RBFOX1: variants seen among roughly 807,000 people sequenced by gnomAD.
The protein encoded by RBFOX1 is RNA binding fox-1 homolog 1.
In RBFOX1, 8 loss-of-function variants were observed where a neutral mutation model predicts 57.7. The observed-to-expected ratio is 0.14, with a 90% CI of 0.08 to 0.25. The LOEUF (loss-of-function observed/expected upper bound fraction) is 0.25. Ranked by LOEUF, RBFOX1 falls within the 10% of genes least tolerant of loss-of-function variation. RBFOX1 has a pLI of 1.00. For missense variants in RBFOX1, 611 were observed against 548.5 expected (o/e 1.11, Z -1.14); for synonymous variants, 326 against 222.4 (o/e 1.47, Z -4.15).
chr16:5,488,909 C>A (rs1409245458), intron 2 of RBFOX1, among the ~76,000 whole-genome samples: 3 of 152,156 alleles, frequency 2.0e-5, no homozygotes, highest in Non-Finnish European at 2.9e-5. Context: ...GATACAATAG[C>A]TAAAACTTGA....
At chr16:5,856,794 C>G (rs2057083484) in intron 3 of RBFOX1, among the ~76,000 whole-genome samples, 1 of 151,274 alleles carries the variant, frequency 6.6e-6, no homozygotes, top group Admixed American at 6.6e-5. Flanking sequence ...TAGGGTCTTG[C>G]TCTGGGTTGG....
rs557449725 is a variant in RBFOX1, at chr16:7,287,663, G to C, written c.28-230484G>C. 7.2e-4 allele frequency among the ~76,000 whole-genome samples: 109 copies of C among 152,106 alleles called. 1 individual carries two copies. The highest frequency in any genetic ancestry group is 2.6e-3 in the African/African-American group (106 of 41,542). The stretch of plus-strand genomic sequence containing the variant: ...AAAACTTGGATTGATTGACAATTTT[G>C]AAAAATGATAAAAGTCGCCTCTCAA... On this transcript the variant is annotated intron_variant, in intron 4 of 15. Transcript: ENST00000550418.
intron 2 of RBFOX1, among the ~76,000 whole-genome samples, chr16:6,605,869 G>A (rs1166810669): frequency 1.3e-5 from 2 of 152,178 alleles, no homozygotes; most frequent in East Asian, 1.9e-4. Context: ...GGAGTCTGAG[G>A]CGGGTGGATC....
intron 2 of RBFOX1, among the ~76,000 whole-genome samples, chr16:6,334,297 C>G (rs1357669005): frequency 6.6e-6 from 1 of 151,914 alleles, no homozygotes; most frequent in Non-Finnish European, 1.5e-5. Flanking sequence ...TTCCTGAGCT[C>G]CGGAGTTTGA....
At chr16:7,241,691 A>G (rs2094069104) in intron 4 of RBFOX1, among the ~76,000 whole-genome samples, 1 of 152,124 alleles carries the variant, frequency 6.6e-6, no homozygotes, top group Admixed American at 6.6e-5. Context: ...CTACATCTGG[A>G]TGACAAATGT....
intron 2 of RBFOX1, among the ~76,000 whole-genome samples, chr16:6,541,376 C>T (rs568691754): frequency 8.1e-4 from 123 of 152,302 alleles, no homozygotes; most frequent in African/African-American, 2.9e-3. Context: ...AGACACTGTT[C>T]TAAACAGAGG....
At chr16:5,290,837 T>C (rs964262184) in intron 1 of RBFOX1, among the ~76,000 whole-genome samples, 3 of 152,108 alleles carry the variant, frequency 2.0e-5, no homozygotes, top group African/African-American at 4.8e-5. Flanking sequence ...TAGCTGGGAT[T>C]ACAGGCACCC....
At chr16:5,864,333 C>G (rs2057295713) in intron 3 of RBFOX1, among the ~76,000 whole-genome samples, 1 of 152,206 alleles carries the variant, frequency 6.6e-6, no homozygotes, top group Non-Finnish European at 1.5e-5. Context: ...TTTAATTTTA[C>G]AAGTGGATAC....
At chr16:6,121,962 G>A (rs1471000321) in intron 1 of RBFOX1, among the ~76,000 whole-genome samples, 1 of 152,152 alleles carries the variant, frequency 6.6e-6, no homozygotes, top group Non-Finnish European at 1.5e-5. Flanking sequence ...CTGGAGTGCA[G>A]TGGCATGATC....
intron 1 of RBFOX1, among the ~76,000 whole-genome samples, chr16:6,177,541 T>C (rs549892869): frequency 7.9e-5 from 12 of 152,178 alleles, no homozygotes; most frequent in Middle Eastern, 3.2e-3. Context: ...ACTGCCTTTA[T>C]AGAATCATGT....
chr16:5,633,832 GAT>G (rs961839211), intron 3 of RBFOX1, among the ~76,000 whole-genome samples: 51 of 145,008 alleles, frequency 3.5e-4, no homozygotes, highest in African/African-American at 1.3e-3. Flanking sequence ...CAGCCTGGGC[GAT>G]AGAGTGAGAC....
chr16:5,835,483 G>A (rs2056428434), intron 3 of RBFOX1, among the ~76,000 whole-genome samples: 1 of 152,178 alleles, frequency 6.6e-6, no homozygotes, highest in African/African-American at 2.4e-5. Flanking sequence ...AGACTTTGTA[G>A]GTATCAACAT....
At chr16:6,766,180 GA>G (rs1022030537) in intron 3 of RBFOX1, among the ~76,000 whole-genome samples, 5 of 150,794 alleles carry the variant, frequency 3.3e-5, no homozygotes, top group East Asian at 3.9e-4. Context: ...TAGATATGGA[GA>G]AAAAAAAAGA....
At chr16:5,766,414 G>A (rs541621213) in intron 3 of RBFOX1, among the ~76,000 whole-genome samples, 19 of 151,986 alleles carry the variant, frequency 1.3e-4, no homozygotes, top group Non-Finnish European at 1.8e-4. Flanking sequence ...ACGAAACCTC[G>A]TCTCTACTAA....
chr16:6,224,132 G>A (rs1276284377), intron 1 of RBFOX1, among the ~76,000 whole-genome samples: 3 of 152,044 alleles, frequency 2.0e-5, no homozygotes, highest in Non-Finnish European at 4.4e-5. Context: ...AAGTCAGGTA[G>A]CGTGATGCCT....
At chr16:5,716,353 G>T (rs1189200339) in intron 3 of RBFOX1, among the ~76,000 whole-genome samples, 1 of 152,130 alleles carries the variant, frequency 6.6e-6, no homozygotes, top group Non-Finnish European at 1.5e-5. Context: ...TCATCCCCCA[G>T]GCATTAAGCC....
intron 4 of RBFOX1, among the ~76,000 whole-genome samples, chr16:7,428,280 A>C (rs1362684534): frequency 1.3e-5 from 2 of 150,962 alleles, no homozygotes; most frequent in Non-Finnish European, 2.9e-5. Flanking sequence ...TTTTTGTTGA[A>C]TAAGTTTTGT....
At chr16:7,510,321 G>GTT in intron 4 of RBFOX1, 1 of 979,416 alleles carries the variant, frequency 1.0e-6, no homozygotes, top group Non-Finnish European at 1.2e-6. Flanking sequence ...AGGTATTTTT[G>GTT]TTTTTTTTTC....
chr16:5,868,158 G>C (rs1259275122), intron 4 of RBFOX1, among the ~76,000 whole-genome samples: 1 of 152,134 alleles, frequency 6.6e-6, no homozygotes, highest in Non-Finnish European at 1.5e-5. Flanking sequence ...GTAATGTAAT[G>C]GGCTCCTGCA....
Sources: gnomAD v4.1 joint callset for allele counts (sites outside exome capture counted in the v4.1 genomes callset) on GRCh38, gnomAD v4.1.1 for gene constraint, MANE v1.5 for transcripts, NCBI Gene and HGNC (gene_info 2026-07-23, HGNC 2026-07-21) for gene names.